SYNDIG1: variants seen among roughly 807,000 people sequenced by gnomAD.
SYNDIG1 encodes the protein synapse differentiation inducing 1.
Under a neutral mutation model 19.4 loss-of-function variants are expected in SYNDIG1, and 9 were observed. That is an observed-to-expected ratio of 0.46 (90% CI 0.28 to 0.81). The LOEUF is 0.81. Ranked by LOEUF, SYNDIG1 falls within the 30% of genes least tolerant of loss-of-function variation. The probability of loss-of-function intolerance (pLI) is 0.12; values close to 1 mark genes in which losing one functional copy is unlikely to be tolerated. For synonymous variants in SYNDIG1, 141 were observed against 145.9 expected (o/e 0.97, Z 0.24); for missense variants, 311 against 343.3 (o/e 0.91, Z 0.74).
At chr20:24,617,314 C>T (rs1350440552) in intron 3 of SYNDIG1, among the ~76,000 whole-genome samples, 1 of 152,150 alleles carries the variant, frequency 6.6e-6, no homozygotes, top group African/African-American at 2.4e-5. Context: ...GACTCTGCCC[C>T]ATCAGGACAC....
intron 1 of SYNDIG1, among the ~76,000 whole-genome samples, chr20:24,536,851 G>A (rs2057371896): frequency 6.6e-6 from 1 of 152,150 alleles, no homozygotes; most frequent in East Asian, 1.9e-4. Context: ...ACATAAAGCA[G>A]GGAACCATCA....
In SYNDIG1 at chr20:24,590,525, AC is replaced by A. The variant is rs1312767691; in HGVS notation, c.618+5534del. ...GACGACGGCAGTGGTCAAACGCAGA[AC>A]CGTGGAGTCCTGTGCTGCAGGAGTG... On this transcript the variant is annotated intron_variant, in intron 3 of 3. Transcript: ENST00000376862. 3.3e-5 allele frequency among the ~76,000 whole-genome samples: 5 copies of A among 152,266 alleles called. No homozygotes were observed. In the East Asian group the frequency reaches 9.7e-4, roughly 29 times the overall value.
At chr20:24,500,474 TTTTCTTTCTTTCTTTC>T (rs138037383) in intron 1 of SYNDIG1, among the ~76,000 whole-genome samples, 21,323 of 136,212 alleles carry the variant, frequency 0.16, 1,756 homozygotes, top group Non-Finnish European at 0.19. Context: ...AAGCAGATTC[TTTTCTTTCTTTCTTTC>T]TTTCTTTCTT....
At chr20:24,553,293 G>A (rs1461666433) in intron 2 of SYNDIG1, among the ~76,000 whole-genome samples, 2 of 152,074 alleles carry the variant, frequency 1.3e-5, no homozygotes, top group Non-Finnish European at 2.9e-5. Flanking sequence ...TTCTTTTGCT[G>A]TGCAGAAGCT....
At chr20:24,485,117 C>A (rs1397939668) in intron 1 of SYNDIG1, among the ~76,000 whole-genome samples, 1 of 152,314 alleles carries the variant, frequency 6.6e-6, no homozygotes, top group South Asian at 2.1e-4. Flanking sequence ...TACCAGAAGC[C>A]GGGGCCATGG....
intron 1 of SYNDIG1, among the ~76,000 whole-genome samples, chr20:24,470,420 C>T (rs1472925452): frequency 6.6e-6 from 1 of 152,232 alleles, no homozygotes; most frequent in Non-Finnish European, 1.5e-5. Context: ...CAAGACCTGC[C>T]TTCAAAAGCT....
At chr20:24,615,063 C>T (rs2058908641) in intron 3 of SYNDIG1, among the ~76,000 whole-genome samples, 2 of 152,216 alleles carry the variant, frequency 1.3e-5, no homozygotes, top group African/African-American at 4.8e-5. Flanking sequence ...TTGAAATTAA[C>T]AGCCAATTTG....
intron 3 of SYNDIG1, among the ~76,000 whole-genome samples, chr20:24,616,871 G>C (rs1326599025): frequency 6.6e-6 from 1 of 152,196 alleles, no homozygotes; most frequent in Non-Finnish European, 1.5e-5. Context: ...TGCCGGCACT[G>C]GGGACACTGC....
intron 3 of SYNDIG1, among the ~76,000 whole-genome samples, chr20:24,643,532 C>A (rs1258756462): frequency 6.6e-6 from 1 of 152,222 alleles, no homozygotes; most frequent in Non-Finnish European, 1.5e-5. Flanking sequence ...ATGTGTAGTT[C>A]TTTCTGCCAT....
chr20:24,559,003 A>T (rs1289023975), intron 2 of SYNDIG1, among the ~76,000 whole-genome samples: 1 of 152,240 alleles, frequency 6.6e-6, no homozygotes, highest in African/African-American at 2.4e-5. Context: ...CAATATCAGA[A>T]ATCAATATAT....
intron 3 of SYNDIG1, among the ~76,000 whole-genome samples, chr20:24,605,493 G>A (rs1254158989): frequency 2.6e-5 from 4 of 152,104 alleles, no homozygotes; most frequent in African/African-American, 9.7e-5. Flanking sequence ...TGTAGCTTCT[G>A]AGAGCTGTTT....
chr20:24,655,238 T>C (rs2059513126), intron 3 of SYNDIG1, among the ~76,000 whole-genome samples: 1 of 152,116 alleles, frequency 6.6e-6, no homozygotes, highest in Non-Finnish European at 1.5e-5. Flanking sequence ...AAAAAATGTA[T>C]TGAGAGGGTA....
At chr20:24,605,255 G>A (rs2058738395) in intron 3 of SYNDIG1, among the ~76,000 whole-genome samples, 1 of 152,210 alleles carries the variant, frequency 6.6e-6, no homozygotes. Flanking sequence ...AGGTTGCAAT[G>A]AGGGCTACAA....
chr20:24,555,390 T>C (rs1284984203), intron 2 of SYNDIG1, among the ~76,000 whole-genome samples: 1 of 152,216 alleles, frequency 6.6e-6, no homozygotes, highest in Non-Finnish European at 1.5e-5. Context: ...CTTTTAATTG[T>C]GACGTTAGGG....
intron 1 of SYNDIG1, among the ~76,000 whole-genome samples, chr20:24,505,822 CA>C (rs1160239397): frequency 2.0e-5 from 3 of 152,126 alleles, no homozygotes; most frequent in African/African-American, 7.2e-5. Flanking sequence ...AGCAAAGTTG[CA>C]AAAAATCCTG....
intron 1 of SYNDIG1, among the ~76,000 whole-genome samples, chr20:24,481,747 C>T (rs138775558): frequency 3.7e-4 from 56 of 152,176 alleles, no homozygotes; most frequent in Non-Finnish European, 5.7e-4. Flanking sequence ...TGGGAGCTGG[C>T]GGGGAGAGCT....
At chr20:24,601,306 G>A (rs764643615) in intron 3 of SYNDIG1, among the ~76,000 whole-genome samples, 1 of 152,134 alleles carries the variant, frequency 6.6e-6, no homozygotes, top group Non-Finnish European at 1.5e-5. Flanking sequence ...TCTTCATTAA[G>A]TTTTGATATC....
intron 3 of SYNDIG1, among the ~76,000 whole-genome samples, chr20:24,626,405 G>T (rs2059135895): frequency 6.6e-6 from 1 of 151,548 alleles, no homozygotes; most frequent in South Asian, 2.1e-4. Context: ...ACAGGGTCGT[G>T]GCCGGGCCGA....
intron 3 of SYNDIG1, among the ~76,000 whole-genome samples, chr20:24,617,303 C>T (rs1300650685): frequency 2.0e-5 from 3 of 152,036 alleles, no homozygotes; most frequent in Non-Finnish European, 4.4e-5. Flanking sequence ...ACTCGGTCAC[C>T]GACTCTGCCC....
Sources: allele counts gnomAD v4.1 joint callset (sites outside exome capture counted in the v4.1 genomes callset), GRCh38; gene constraint gnomAD v4.1.1; transcripts MANE v1.5; gene names NCBI Gene and HGNC (gene_info 2026-07-23, HGNC 2026-07-21).